Variants in WDR4 observed in about 807,000 individuals in gnomAD.
WDR4 encodes tRNA (guanine-N(7)-)-methyltransferase non-catalytic subunit WDR4.
In WDR4, 47 loss-of-function variants were observed where a neutral mutation model predicts 48.6. The observed-to-expected ratio is 0.97, with a 90% CI of 0.77 to 1.23. The LOEUF is 1.23. WDR4 is among the 50% of genes most tolerant of loss of function. The pLI, the probability that WDR4 is intolerant of heterozygous loss-of-function variation, is 0.00. For synonymous variants in WDR4, 268 were observed against 230.0 expected, an observed-to-expected ratio of 1.17 and a Z score of -1.49; for missense variants, 606 against 551.6, an observed-to-expected ratio of 1.10 and a Z score of -0.99.
chr21:42,885,956 A>ATT, the WDR4 span, among the ~76,000 whole-genome samples: 6,412 of 122,784 alleles, frequency 0.052, 310 homozygotes, highest in Non-Finnish European at 0.077. Flanking sequence ...CTCAGCATAG[A>ATT]TTTTTTTTTT....
At chr21:42,846,108 G>C (rs570461326), downstream of WDR4, among the ~76,000 whole-genome samples, 3 of 152,132 alleles carry the variant, frequency 2.0e-5, no homozygotes, top group African/African-American at 7.2e-5. Context: ...CTGGGTAACA[G>C]AGCAAGACCC....
At chr21:42,877,130 T>A (rs2058510511) in intron 1 of WDR4, among the ~76,000 whole-genome samples, 1 of 141,316 alleles carries the variant, frequency 7.1e-6, no homozygotes, top group African/African-American at 2.6e-5. Context: ...CCACTGCGCC[T>A]GGCCCTAATT....
intron 5 of WDR4, among the ~76,000 whole-genome samples, chr21:42,860,724 C>A (rs552796286): frequency 3.4e-4 from 52 of 152,354 alleles, no homozygotes; most frequent in Non-Finnish European, 6.2e-4. Flanking sequence ...TTTGAAAGGC[C>A]GGGAAACCAG....
chr21:42,887,369 G>T, the WDR4 span, among the ~76,000 whole-genome samples: 10 of 151,478 alleles, frequency 6.6e-5, no homozygotes, highest in Non-Finnish European at 1.2e-4. Flanking sequence ...AAACTCCAGG[G>T]CTCAAGCAAT....
At chr21:42,873,014 C>T (rs1003238535) in intron 3 of WDR4, among the ~76,000 whole-genome samples, 3 of 152,196 alleles carry the variant, frequency 2.0e-5, no homozygotes, top group Non-Finnish European at 4.4e-5. Flanking sequence ...CAAGGCATAG[C>T]GATATCTCCC....
At chr21:42,890,353 G>A in the WDR4 span, among the ~76,000 whole-genome samples, 1 of 151,992 alleles carries the variant, frequency 6.6e-6, no homozygotes, top group African/African-American at 2.4e-5. Flanking sequence ...GACCAACATG[G>A]TGAAACCCTG....
chr21:42,876,925 TCTC>T (rs1480726433), intron 1 of WDR4, among the ~76,000 whole-genome samples, 158 bp from the exon 2 acceptor site: 5 of 151,928 alleles, frequency 3.3e-5, no homozygotes, highest in Admixed American at 6.6e-5. Context: ...TTCAAACGAT[TCTC>T]CTGCCTCAGC....
In WDR4 at chr21:42,862,003, A is replaced by G. The variant is rs2058127903; in HGVS notation, c.566+279T>C. Among the ~76,000 whole-genome samples, 1 of 152,052 alleles carries G rather than the reference A, an allele frequency of 6.6e-6. No homozygotes were observed. Among genetic ancestry groups the G allele is most frequent in the Non-Finnish European group, 1.5e-5 (1 of 67,994 alleles). ...CCGGGCATGGTGCAGGGGTCTCCAC[A>G]CTGAGACAGGGGTTTCCCGGAAACA... is the stretch of plus-strand genomic sequence containing the variant. On this transcript the variant is annotated intron_variant, in intron 5 of 10. Coordinates refer to ENST00000398208, the MANE Select transcript of WDR4 (RefSeq NM_018669.6). The surrounding 1 kb of genome is among the most constrained non-coding windows in gnomAD (Gnocchi z 4.3).
upstream of WDR4, chr21:42,879,541 T>A (rs1336493441): frequency 6.2e-7 from 1 of 1,602,628 alleles, no homozygotes; most frequent in Admixed American, 1.7e-5. Flanking sequence ...GCCCAGAGCC[T>A]CTTCCTGTCC....
rs2057775884 is a variant in WDR4 at position 42,849,959 on chromosome 21, T to C, written c.*90A>G. ...AGCTGGTCACAACTGATGTCACCTTTTCCTTCTTGAAGGGACATGCCAGGA... is the reference window on the plus strand; with the variant it reads ...AGCTGGTCACAACTGATGTCACCTTCTCCTTCTTGAAGGGACATGCCAGGA... On this transcript the variant is annotated 3_prime_UTR_variant, in exon 11 of 11. Transcript: ENST00000398208. 1 of 1,531,892 alleles carries C rather than the reference T, an allele frequency of 6.5e-7. No individual in the cohort carries two copies. The highest frequency in any genetic ancestry group is 8.9e-7 in the Non-Finnish European group (1 of 1,123,558). The allele number at this position is 1,531,892 out of a possible 1,614,324, so 94.9% of individuals were successfully genotyped here.
chr21:42,863,525 G>C lies in WDR4; in HGVS notation c.368C>G (p.Ser123Cys). The change falls in exon 4 of 11, where the codon TCT (serine) becomes TGT (cysteine). Residue 123 changes from serine (S) to cysteine (C), a missense_variant. Ser to Cys is a moderately radical substitution (Grantham distance 112). Transcript: ENST00000398208. ...CACCGAAAAGGAGTAGACGTCTCCA[G>C]ACTTGTCGGCCACCAAGACCTTCTC... ...SEEKVLVADKSGDVYSFSVLE... is the reference protein window; with the variant it reads ...SEEKVLVADKCGDVYSFSVLE... The C allele has an allele frequency of 6.2e-7, 1 of 1,614,068 alleles. No individual in the cohort carries two copies. Among genetic ancestry groups the C allele is most frequent in the Non-Finnish European group, 8.5e-7 (1 of 1,180,022 alleles).
intron 1 of WDR4, among the ~76,000 whole-genome samples, chr21:42,878,133 T>C (rs2058544505): frequency 6.6e-6 from 1 of 152,112 alleles, no homozygotes; most frequent in Non-Finnish European, 1.5e-5. Flanking sequence ...GAGCCATTAC[T>C]ATTTAGAAAC....
intron 3 of WDR4, among the ~76,000 whole-genome samples, chr21:42,864,919 C>A (rs958982196): frequency 9.2e-5 from 14 of 152,224 alleles, no homozygotes; most frequent in African/African-American, 3.4e-4. Flanking sequence ...CCTGCTTCCC[C>A]ACCCCCAGGG....
At chr21:42,861,727 C>A (rs187367510) in intron 5 of WDR4, among the ~76,000 whole-genome samples, 78 of 152,350 alleles carry the variant, frequency 5.1e-4, no homozygotes, top group Non-Finnish European at 1.0e-3. Context: ...TCTTCCACTG[C>A]CTCAAATAAT....
In WDR4 at chr21:42,853,569, C is replaced by T. The variant is rs764966356; in HGVS notation, c.975G>A (p.Gln325=). The stretch of plus-strand genomic sequence containing the variant: ...ACATCTGGAAGGTGCCGAGTCTCAC[C>T]TGCCACTGGTCGCCCACAGGCCTGT... The part of the protein sequence containing the change: ...VLYRPVGDQW[Q]SVPESTVLKK... The change falls in exon 9 of 11, where the codon CAG becomes CAA. Residue 325 remains glutamine (Q), a splice_region_variant and synonymous_variant. Coordinates refer to ENST00000398208, the MANE Select transcript of WDR4 (RefSeq NM_018669.6). 6.2e-7 allele frequency: 1 copy of T among 1,607,220 alleles called. No homozygotes were observed. The highest frequency in any genetic ancestry group is 8.5e-7 in the Non-Finnish European group (1 of 1,176,696).
At chr21:42,845,857 G>A (rs998282518), downstream of WDR4, among the ~76,000 whole-genome samples, 4 of 152,204 alleles carry the variant, frequency 2.6e-5, no homozygotes, top group Non-Finnish European at 5.9e-5. Flanking sequence ...TGCTGGCCGG[G>A]GGCAGTGGCT....
At chr21:42,848,506 G>A (rs1334432997), downstream of WDR4, among the ~76,000 whole-genome samples, 2 of 42,222 alleles carry the variant, frequency 4.7e-5, no homozygotes, top group East Asian at 4.6e-4. Context: ...ACGATCACAC[G>A]GCGCGCACCT....
chr21:42,865,179 G>C (rs1444809249), intron 3 of WDR4, among the ~76,000 whole-genome samples: 2 of 151,768 alleles, frequency 1.3e-5, no homozygotes, highest in Non-Finnish European at 2.9e-5. Context: ...CTGCAGAAGG[G>C]AGGCAGAAGG....
upstream of WDR4, among the ~76,000 whole-genome samples, chr21:42,884,462 C>T (rs1352680463): frequency 6.6e-6 from 1 of 152,022 alleles, no homozygotes; most frequent in Non-Finnish European, 1.5e-5. Context: ...GCCTGACCAA[C>T]ATTGTGAAAC....
Sources: gnomAD v4.1 joint callset for allele counts (sites outside exome capture counted in the v4.1 genomes callset) on GRCh38, gnomAD v4.1.1 for gene constraint, Gnocchi (gnomAD v3.1) non-coding constraint, MANE v1.5 for transcripts, NCBI Gene and HGNC (gene_info 2026-07-23, HGNC 2026-07-21) for gene names.